ASAP1: variants seen among roughly 807,000 people sequenced by gnomAD.
ASAP1 encodes the protein arf-GAP with SH3 domain, ANK repeat and PH domain-containing protein 1.
A neutral mutation model predicts 145.2 loss-of-function variants in ASAP1; 43 were observed. The ratio of observed to expected loss-of-function variants is 0.30; its 90% CI spans 0.23 to 0.38. ASAP1 has a LOEUF of 0.38. ASAP1 is among the 10% of genes least tolerant of loss of function. ASAP1 has a pLI of 1.00. For synonymous variants in ASAP1, 546 were observed against 515.5 expected, an observed-to-expected ratio of 1.06 and a Z score of -0.80; for missense variants, 1,018 against 1,355.3, an observed-to-expected ratio of 0.75 and a Z score of 3.91.
At chr8:130,310,787 C>T (rs545572418) in intron 3 of ASAP1, among the ~76,000 whole-genome samples, 28 of 152,286 alleles carry the variant, frequency 1.8e-4, no homozygotes, top group Non-Finnish European at 3.7e-4. Flanking sequence ...CCAAACTTGA[C>T]AGAAAATTTT....
At position 130,419,668 on chromosome 8, in the gene ASAP1, A is replaced by T. The variant is rs557329973; in HGVS notation, c.-27-17698T>A. On this transcript the variant is annotated intron_variant, in intron 1 of 29. Coordinates refer to ENST00000518721, the MANE Select transcript of ASAP1 (RefSeq NM_018482.4). Reference sequence around the variant, plus strand: ...CAAGGGCTTGCTCCTCCTCTGCTACAGGGTGGTTTCAGCAACAGGGAGCCC... The same window carrying T: ...CAAGGGCTTGCTCCTCCTCTGCTACTGGGTGGTTTCAGCAACAGGGAGCCC... Among the ~76,000 whole-genome samples the T allele has an allele frequency of 7.2e-5, 11 of 152,062 alleles. 1 individual carries two copies. Among genetic ancestry groups the T allele is most frequent in the African/African-American group, 2.7e-4 (11 of 41,478 alleles).
rs775737819 is a variant in ASAP1, at chr8:130,092,062, G to A, written c.2483C>T (p.Pro828Leu). Residue 828 changes from proline (P) to leucine (L), a missense_variant, in exon 25 of 30, where the codon CCT (proline) becomes CTT (leucine). Physicochemically the swap from Pro to Leu is moderately conservative, Grantham distance 98. Around this residue, in one of 9 missense-constraint regions of ASAP1, gnomAD observed 353 missense variants for 375.4 expected, o/e 0.94. Transcript: ENST00000518721. The stretch of plus-strand genomic sequence containing the variant: ...TCTCTTGTGTCCGGGTGGTGGGGGA[G>A]GAGGCCTCTTCTTGGATAGGGTGGA... Reference protein sequence around the residue: ...GSSTLSKKRPPPPPPGHKRTL... With the variant: ...GSSTLSKKRPLPPPPGHKRTL... The A allele has an allele frequency of 1.3e-6, 2 of 1,571,982 alleles. No individual in the cohort carries two copies. Among genetic ancestry groups the A allele is most frequent in the Admixed American group, 2.0e-5 (1 of 50,290 alleles).
intron 24 of ASAP1, among the ~76,000 whole-genome samples, chr8:130,099,181 T>C (rs2097524351): frequency 7.2e-6 from 1 of 138,290 alleles, no homozygotes; most frequent in Admixed American, 7.3e-5. Flanking sequence ...GCCTAGCTAA[T>C]TTTTTTTTTT....
At chr8:130,398,309 T>C (rs889424244) in intron 2 of ASAP1, among the ~76,000 whole-genome samples, 3 of 152,226 alleles carry the variant, frequency 2.0e-5, no homozygotes, top group Admixed American at 1.3e-4. Context: ...AGACCATGAA[T>C]GGCATCTGAC....
At chr8:130,342,125 G>A (rs888086742) in intron 3 of ASAP1, among the ~76,000 whole-genome samples, 1 of 152,142 alleles carries the variant, frequency 6.6e-6, no homozygotes, top group Non-Finnish European at 1.5e-5. Context: ...GGCATTCACG[G>A]TGAGGTGGAA....
chr8:130,354,189 C>T (rs1031602853), intron 3 of ASAP1, among the ~76,000 whole-genome samples: 7 of 152,076 alleles, frequency 4.6e-5, no homozygotes, highest in Non-Finnish European at 7.4e-5. Context: ...CGCGCCCAGC[C>T]GGGAGGGAGA....
At chr8:130,280,069 C>T (rs1480243431) in intron 3 of ASAP1, among the ~76,000 whole-genome samples, 1 of 152,170 alleles carries the variant, frequency 6.6e-6, no homozygotes, top group Non-Finnish European at 1.5e-5. Flanking sequence ...AAGAGATAGG[C>T]AGAGGTAGTG....
chr8:130,140,344 ATTTCTTTC>A (rs1208012216), intron 13 of ASAP1, among the ~76,000 whole-genome samples: 4 of 150,460 alleles, frequency 2.7e-5, no homozygotes, highest in African/African-American at 4.9e-5. Context: ...CTCAGCTCTC[ATTTCTTTC>A]TTTCTTTCTT....
At chr8:130,187,420 A>ATT (rs201930107) in intron 6 of ASAP1, 135 bp from the exon 7 acceptor site, 803 of 567,134 alleles carry the variant, frequency 1.4e-3, no homozygotes, top group African/African-American at 4.2e-3. Flanking sequence ...ACGTTACACC[A>ATT]TTTTTTTTTT....
chr8:130,220,565 A>G (rs1307790015), intron 4 of ASAP1, among the ~76,000 whole-genome samples: 1 of 152,190 alleles, frequency 6.6e-6, no homozygotes, highest in African/African-American at 2.4e-5. Flanking sequence ...GGCTGGGTGC[A>G]GTGGTTCATA....
chr8:130,325,005 G>A (rs549090338), intron 3 of ASAP1, among the ~76,000 whole-genome samples: 4 of 152,256 alleles, frequency 2.6e-5, no homozygotes, highest in South Asian at 2.1e-4. Flanking sequence ...GCTGCTCACC[G>A]GCAGCCCTGC....
chr8:130,152,716 A>G lies in ASAP1; in HGVS notation c.1080+20T>C, dbSNP rs756344925. 6.3e-7 allele frequency: 1 copy of G among 1,590,698 alleles called. No individual in the cohort carries two copies. The highest frequency in any genetic ancestry group is 1.1e-5 in the South Asian group (1 of 88,942). ...TGCTTTCTGGCCCATGAGGCAGGGT[A>G]AATTAAGAAACATACTTACTGTGGC... On this transcript the variant is annotated intron_variant, in intron 13 of 29. Coordinates refer to ENST00000518721, the MANE Select transcript of ASAP1 (RefSeq NM_018482.4).
intron 1 of ASAP1, among the ~76,000 whole-genome samples, chr8:130,433,764 G>C (rs1830215152): frequency 6.6e-6 from 1 of 152,184 alleles, no homozygotes; most frequent in Non-Finnish European, 1.5e-5. Context: ...TTTAGTACCA[G>C]TTACGTGCCA....
chr8:130,284,505 T>C (rs1023684005), intron 3 of ASAP1, among the ~76,000 whole-genome samples: 1 of 151,996 alleles, frequency 6.6e-6, no homozygotes, highest in Non-Finnish European at 1.5e-5. Context: ...AAGTGAGCTA[T>C]GAGGGCTGGG....
chr8:130,145,100 C>G (rs539193382), intron 13 of ASAP1, among the ~76,000 whole-genome samples: 1 of 152,268 alleles, frequency 6.6e-6, no homozygotes, highest in East Asian at 1.9e-4. Context: ...GTCATCCACG[C>G]AGGCATTTCT....
At chr8:130,337,641 G>A (rs955633332) in intron 3 of ASAP1, among the ~76,000 whole-genome samples, 1 of 152,190 alleles carries the variant, frequency 6.6e-6, no homozygotes, top group Non-Finnish European at 1.5e-5. Context: ...CATGAAAATT[G>A]AAGTACTAAA....
chr8:130,167,104 G>C (rs1189242956), intron 11 of ASAP1, among the ~76,000 whole-genome samples: 1 of 152,086 alleles, frequency 6.6e-6, no homozygotes, highest in Non-Finnish European at 1.5e-5. Flanking sequence ...AGCAGTTCAA[G>C]ACCAGCCAGG....
At chr8:130,355,301 T>C (rs1274940535) in intron 3 of ASAP1, among the ~76,000 whole-genome samples, 3 of 152,208 alleles carry the variant, frequency 2.0e-5, no homozygotes, top group Non-Finnish European at 4.4e-5. Context: ...AGAAAGAGTA[T>C]GGATTAATTT....
At chr8:130,154,365 AAG>A (rs1384635919) in intron 12 of ASAP1, among the ~76,000 whole-genome samples, 1 of 152,226 alleles carries the variant, frequency 6.6e-6, no homozygotes, top group African/African-American at 2.4e-5. Flanking sequence ...TAAAACTTGG[AAG>A]AGTTTTGTGT....
Sources: allele counts gnomAD v4.1 joint callset (sites outside exome capture counted in the v4.1 genomes callset), GRCh38; gene constraint gnomAD v4.1.1; regional missense constraint gnomAD v4.1.1; transcripts MANE v1.5; gene names NCBI Gene and HGNC (gene_info 2026-07-23, HGNC 2026-07-21).